Variants in SLC38A9 observed in about 807,000 individuals in gnomAD.
SLC38A9 encodes solute carrier family 38 member 9.
In SLC38A9, 48 loss-of-function variants were observed where a neutral mutation model predicts 62.3. That is an observed-to-expected ratio of 0.77 (90% CI 0.61 to 0.98). The LOEUF (loss-of-function observed/expected upper bound fraction) is 0.98, where lower values mean the gene tolerates loss of function less well. Among genes scored for constraint, SLC38A9 ranks in the 50% least tolerant of loss-of-function variants. The pLI is 0.00. For synonymous variants in SLC38A9, 204 were observed against 227.7 expected, an observed-to-expected ratio of 0.90 and a Z score of 0.94; for missense variants, 541 against 679.8, an observed-to-expected ratio of 0.80 and a Z score of 2.27.
intron 10 of SLC38A9, among the ~76,000 whole-genome samples, chr5:55,649,625 C>T (rs1050449416): frequency 6.6e-6 from 1 of 152,114 alleles, no homozygotes; most frequent in African/African-American, 2.4e-5. Context: ...AGTTCGAGAC[C>T]AAACCGGCCA....
In SLC38A9 at chr5:55,692,946, A is replaced by G. The variant is rs536345973; in HGVS notation, c.113+4900T>C. On this transcript the variant is annotated intron_variant, in intron 3 of 15. Coordinates refer to ENST00000396865, the MANE Select transcript of SLC38A9 (RefSeq NM_173514.4). The stretch of plus-strand genomic sequence containing the variant: ...GACAATGATAAATTTCTCATGTGAT[A>G]AATTTCACATTTCCACCTCTAGTTT... The G allele has an allele frequency of 7.2e-5, 71 of 981,150 alleles. 1 individual carries two copies. The South Asian group carries it at 2.3e-3, about 32-fold the overall frequency. The allele number at this position is 981,150 out of a possible 1,614,324, so 60.8% of individuals were successfully genotyped here.
At chr5:55,637,187 G>C (rs1055261325) in intron 12 of SLC38A9, among the ~76,000 whole-genome samples, 12 of 152,176 alleles carry the variant, frequency 7.9e-5, no homozygotes, top group African/African-American at 1.2e-4. Flanking sequence ...AAGTGGGACA[G>C]CCACCATCCC....
In SLC38A9 at chr5:55,687,937, T is replaced by C. The variant is rs544623763; in HGVS notation, c.113+9909A>G. 1.7e-3 allele frequency among the ~76,000 whole-genome samples: 252 copies of C among 152,270 alleles called. 1 individual carries two copies. Among genetic ancestry groups the C allele is most frequent in the Middle Eastern group, 0.014 (4 of 292 alleles). ...TGGTCTCAATCTCCTGACCTCATGA[T>C]CCGCCCGCCTTGGCCTCCCAAAGTG... On this transcript the variant is annotated intron_variant, in intron 3 of 15. Transcript: ENST00000396865.
Position 55,651,248 on chromosome 5 carries a change from C to CTTT in SLC38A9, c.952+1278_952+1280dup, listed in dbSNP as rs1157691760. Among the ~76,000 whole-genome samples, 122 of 117,614 alleles carry CTTT rather than the reference C, an allele frequency of 1.0e-3. 1 individual carries two copies. Among genetic ancestry groups the CTTT allele is most frequent in the African/African-American group, 2.9e-3 (90 of 30,714 alleles). 77.2% of individuals were successfully genotyped at this position (117,614 alleles called of 152,430 possible). A position where few individuals can be genotyped will look rare whatever the true frequency, so the allele number is the denominator to read the frequency against. On this transcript the variant is annotated intron_variant, in intron 10 of 15. Coordinates refer to ENST00000396865, the MANE Select transcript of SLC38A9 (RefSeq NM_173514.4). ...TCACTGGGGGGGTTCCTTTTGCCAT[C>CTTT]TTTTTTTTTTTTTTTTTTTTAAGAC...
rs369675778 is a variant in SLC38A9, at chr5:55,706,524, TA to T, written c.-35+4927del. Among the ~76,000 whole-genome samples, 46 of 152,350 alleles carry T rather than the reference TA, an allele frequency of 3.0e-4. 1 individual carries two copies. In the East Asian group the frequency reaches 6.4e-3, roughly 21 times the overall value. ...AAAAATGTAAGGGCCACTGAGGAAT[TA>T]AAATTTCCAGTTTAGTCACCTATGT... is the stretch of plus-strand genomic sequence containing the variant. On this transcript the variant is annotated intron_variant, in intron 2 of 15. Transcript: ENST00000396865.
intron 7 of SLC38A9, among the ~76,000 whole-genome samples, chr5:55,668,783 T>C (rs1750850885): frequency 6.6e-6 from 1 of 152,242 alleles, no homozygotes; most frequent in Admixed American, 6.5e-5. Flanking sequence ...TCACACAACT[T>C]CAAATATTCA....
intron 9 of SLC38A9, among the ~76,000 whole-genome samples, chr5:55,654,004 G>A (rs1747978603): frequency 6.8e-6 from 1 of 146,826 alleles, no homozygotes; most frequent in African/African-American, 2.5e-5. Context: ...AATTTCTTCT[G>A]TTATCAGACA....
intron 1 of SLC38A9, among the ~76,000 whole-genome samples, 179 bp downstream of exon 1, chr5:55,712,038 C>T (rs925740612): frequency 6.6e-6 from 1 of 152,194 alleles, no homozygotes; most frequent in Non-Finnish European, 1.5e-5. Context: ...GCAGTCTCCG[C>T]GGCTCCAGGC....
intron 3 of SLC38A9, among the ~76,000 whole-genome samples, chr5:55,686,885 T>C (rs1753899160): frequency 6.6e-6 from 1 of 152,144 alleles, no homozygotes; most frequent in Non-Finnish European, 1.5e-5. Context: ...TATTTCCCCA[T>C]TGCTTGTTTT....
At chr5:55,707,069 A>T (rs1234710640) in intron 2 of SLC38A9, among the ~76,000 whole-genome samples, 1 of 151,874 alleles carries the variant, frequency 6.6e-6, no homozygotes, top group Non-Finnish European at 1.5e-5. Flanking sequence ...AGCCTCTAAA[A>T]TAGCTGGGAT....
intron 3 of SLC38A9, among the ~76,000 whole-genome samples, chr5:55,683,999 C>G (rs1325401158): frequency 2.0e-5 from 3 of 152,172 alleles, no homozygotes; most frequent in Non-Finnish European, 4.4e-5. Context: ...TCCCACTGTT[C>G]CACATTCTAG....
chr5:55,710,812 G>T (rs949912845), intron 2 of SLC38A9, among the ~76,000 whole-genome samples: 3 of 151,220 alleles, frequency 2.0e-5, no homozygotes, highest in African/African-American at 7.3e-5. Context: ...TAGAGACGGG[G>T]TTTCACCATA....
At chr5:55,675,011 T>C (rs1164138754) in intron 3 of SLC38A9, among the ~76,000 whole-genome samples, 2 of 152,222 alleles carry the variant, frequency 1.3e-5, no homozygotes, top group African/African-American at 2.4e-5. Context: ...GAAAGAATGA[T>C]AGCTTTAATA....
Position 55,625,866 on chromosome 5 carries a change from T to C in SLC38A9, c.*628A>G, listed in dbSNP as rs1250450172. 1 of 151,482 alleles carries C rather than the reference T, an allele frequency of 6.6e-6. No individual in the cohort carries two copies. The highest frequency in any genetic ancestry group is 2.5e-5 in the African/African-American group (1 of 40,646). 9.4% of individuals were successfully genotyped at this position (151,482 alleles called of 1,614,324 possible). The stretch of plus-strand genomic sequence containing the variant: ...GGAGTTAGACAGCAACAAACTCTCC[T>C]ACTTTATTTATTTTGTATACATTTC... On this transcript the variant is annotated 3_prime_UTR_variant, in exon 16 of 16. Transcript: ENST00000396865.
intron 3 of SLC38A9, among the ~76,000 whole-genome samples, chr5:55,681,087 T>C (rs1752935661): frequency 6.6e-6 from 1 of 152,242 alleles, no homozygotes; most frequent in Non-Finnish European, 1.5e-5. Context: ...ACATTGCTAG[T>C]AGAAGTATAA....
At chr5:55,661,894 G>A (rs1749642177) in intron 8 of SLC38A9, among the ~76,000 whole-genome samples, 1 of 151,876 alleles carries the variant, frequency 6.6e-6, no homozygotes, top group South Asian at 2.1e-4. Context: ...GCTATTTAAT[G>A]GTCAATATAA....
intron 3 of SLC38A9, among the ~76,000 whole-genome samples, chr5:55,694,841 C>T (rs1174860225): frequency 6.6e-6 from 1 of 151,922 alleles, no homozygotes; most frequent in African/African-American, 2.4e-5. Flanking sequence ...CAACCTCTGC[C>T]TCCCAGGTTC....
At position 55,645,066 on chromosome 5, in the gene SLC38A9, G is replaced by A. The variant is rs1012328154; in HGVS notation, c.1167+723C>T. On this transcript the variant is annotated intron_variant, in intron 12 of 15. Transcript: ENST00000396865. ...ATGAACTCATCATTTTTTATCAGCC[G>A]CATTTATTTTTTAAGATGGGGTTTT... Among the ~76,000 whole-genome samples, 12 of 152,128 alleles carry A rather than the reference G, an allele frequency of 7.9e-5. No individual in the cohort carries two copies. In the East Asian group the frequency reaches 9.7e-4, roughly 12 times the overall value.
intron 3 of SLC38A9, among the ~76,000 whole-genome samples, chr5:55,679,932 GTTAAGAGTATTATTAAC>G (rs1752748091): frequency 6.6e-6 from 1 of 152,188 alleles, no homozygotes; most frequent in African/African-American, 2.4e-5. Context: ...AGTGCAATAA[GTTAAGAGTATTATTAAC>G]TTAATATTTT....
Sources: allele counts gnomAD v4.1 joint callset (sites outside exome capture counted in the v4.1 genomes callset), GRCh38; gene constraint gnomAD v4.1.1; transcripts MANE v1.5; gene names NCBI Gene and HGNC (gene_info 2026-07-23, HGNC 2026-07-21).